IQCM: variants seen among roughly 807,000 people sequenced by gnomAD.
The protein encoded by IQCM is IQ motif containing M.
In IQCM, 45 loss-of-function variants were observed where a neutral mutation model predicts 57.6. The ratio of observed to expected loss-of-function variants is 0.78; its 90% CI spans 0.62 to 1.00. The LOEUF (loss-of-function observed/expected upper bound fraction) is 1.00, where lower values mean the gene tolerates loss of function less well. IQCM is among the 50% of genes least tolerant of loss of function. The pLI is 0.00. For synonymous variants in IQCM, 148 were observed against 158.9 expected (o/e 0.93, Z 0.51); for missense variants, 468 against 511.6 (o/e 0.91, Z 0.82).
chr4:149,377,858 C>G (rs149688431), intron 13 of IQCM, among the ~76,000 whole-genome samples: 1 of 152,190 alleles, frequency 6.6e-6, no homozygotes, highest in African/African-American at 2.4e-5. Context: ...GCTGGGTTAG[C>G]AGAACACAAC....
At chr4:149,752,813 G>A (rs72728505) in intron 2 of IQCM, among the ~76,000 whole-genome samples, 61,037 of 151,960 alleles carry the variant, frequency 0.4, 14,552 homozygotes, top group Middle Eastern at 0.54. Flanking sequence ...TGCTAAAAAT[G>A]ACTAGCTAAA....
chr4:149,581,254 CTTCAA>C (rs1048020005), intron 9 of IQCM, among the ~76,000 whole-genome samples: 4 of 151,010 alleles, frequency 2.6e-5, no homozygotes, highest in East Asian at 2.0e-4. Flanking sequence ...TTGTAAAGTA[CTTCAA>C]TTCATATATA....
chr4:149,595,711 T>A (rs72957425), intron 8 of IQCM, among the ~76,000 whole-genome samples: 2,781 of 152,226 alleles, frequency 0.018, 53 homozygotes, highest in African/African-American at 0.055. Flanking sequence ...TTTCTGAGAT[T>A]TTTCACAAGC....
rs75489248 is a variant in IQCM at position 149,484,677 on chromosome 4, G to A, written c.1229-51120C>T. ...CCGTACTAAGTCTTAAAAAGTGGTTGTAGTTACTATTTTTGTTTGGTTCAT... is the reference window on the plus strand; with the variant it reads ...CCGTACTAAGTCTTAAAAAGTGGTTATAGTTACTATTTTTGTTTGGTTCAT... On this transcript the variant is annotated intron_variant, in intron 12 of 13. Transcript: ENST00000636793. 7.2e-5 allele frequency among the ~76,000 whole-genome samples: 11 copies of A among 152,048 alleles called. No homozygotes were observed. The East Asian group carries it at 1.9e-3, about 27-fold the overall frequency.
rs536624846 is a variant in IQCM at position 149,720,988 on chromosome 4, C to A, written c.385+12256G>T. On this transcript the variant is annotated intron_variant, in intron 5 of 13. Coordinates refer to ENST00000636793, the MANE Select transcript of IQCM (RefSeq NM_001363507.2). ...TTGTTATGGCTCCTAGTCTTAAATTCTTCCGAGTAATTTTGTAGGAATGAG... is the reference window on the plus strand; with the variant it reads ...TTGTTATGGCTCCTAGTCTTAAATTATTCCGAGTAATTTTGTAGGAATGAG... Among the ~76,000 whole-genome samples the A allele has an allele frequency of 3.3e-5, 5 of 152,270 alleles. No homozygotes were observed. In the South Asian group the frequency reaches 1.0e-3, roughly 32 times the overall value.
intron 2 of IQCM, among the ~76,000 whole-genome samples, chr4:149,768,853 C>T (rs1204125063): frequency 6.6e-6 from 1 of 151,994 alleles, no homozygotes; most frequent in African/African-American, 2.4e-5. Context: ...AGCTGACAAA[C>T]TTGAGTTTTT....
chr4:149,674,422 A>G (rs1277709401), intron 7 of IQCM, among the ~76,000 whole-genome samples: 2 of 152,146 alleles, frequency 1.3e-5, no homozygotes, highest in African/African-American at 4.8e-5. Context: ...ATTATATTCT[A>G]GCAGGAGGAG....
intron 9 of IQCM, among the ~76,000 whole-genome samples, chr4:149,564,654 T>G (rs182754676): frequency 7.4e-4 from 112 of 152,256 alleles, no homozygotes; most frequent in Non-Finnish European, 1.2e-3. Context: ...TGGCCTAGTC[T>G]CCTAGGCTAT....
At chr4:149,486,879 C>T (rs1450811977) in intron 12 of IQCM, among the ~76,000 whole-genome samples, 1 of 152,138 alleles carries the variant, frequency 6.6e-6, no homozygotes, top group Non-Finnish European at 1.5e-5. Context: ...TGTCCAAGAG[C>T]CTAGGCCTGG....
chr4:149,801,127 T>G (rs1393072083), intron 2 of IQCM, among the ~76,000 whole-genome samples: 1 of 151,842 alleles, frequency 6.6e-6, no homozygotes, highest in Non-Finnish European at 1.5e-5. Flanking sequence ...CAAACAGGCA[T>G]ATGAAAGGGT....
chr4:149,617,194 A>G (rs1755869737), intron 8 of IQCM, among the ~76,000 whole-genome samples: 1 of 152,116 alleles, frequency 6.6e-6, no homozygotes, highest in South Asian at 2.1e-4. Context: ...ACCTCAGGTG[A>G]TCCACCTGCC....
At chr4:149,794,666 G>C (rs1368642661) in intron 2 of IQCM, among the ~76,000 whole-genome samples, 1 of 152,120 alleles carries the variant, frequency 6.6e-6, no homozygotes, top group Non-Finnish European at 1.5e-5. Context: ...TCTGTGTTGT[G>C]GTGGTGGAGT....
At position 149,587,465 on chromosome 4, in the gene IQCM, A is replaced by G. The variant is rs1434691277; in HGVS notation, c.749+465T>C. 2.6e-5 allele frequency among the ~76,000 whole-genome samples: 4 copies of G among 151,816 alleles called. No homozygotes were observed. In the East Asian group the frequency reaches 7.8e-4, roughly 29 times the overall value. On this transcript the variant is annotated intron_variant, in intron 9 of 13. Transcript: ENST00000636793. The stretch of plus-strand genomic sequence containing the variant: ...CTCTCTCACAAAATCAATGTTTTCA[A>G]AACAGTTTATCAACAAAGTATATAA...
At chr4:149,415,900 C>T (rs1253599252) in intron 13 of IQCM, among the ~76,000 whole-genome samples, 3 of 151,674 alleles carry the variant, frequency 2.0e-5, no homozygotes, top group South Asian at 2.1e-4. Context: ...TGGGGCCTGT[C>T]GTGGGGTGGA....
intron 2 of IQCM, among the ~76,000 whole-genome samples, chr4:149,772,709 T>C (rs1770702701): frequency 6.6e-6 from 1 of 152,196 alleles, no homozygotes; most frequent in Non-Finnish European, 1.5e-5. Flanking sequence ...TAACAGGTCA[T>C]TTTCTGTGCT....
chr4:149,809,397 T>C (rs945159580), intron 2 of IQCM, among the ~76,000 whole-genome samples: 1 of 152,202 alleles, frequency 6.6e-6, no homozygotes, highest in African/African-American at 2.4e-5. Context: ...TATAGTCATT[T>C]TTTTGATAGT....
chr4:149,680,534 A>G lies in IQCM; in HGVS notation c.565+1584T>C, dbSNP rs181369582. On this transcript the variant is annotated intron_variant, in intron 7 of 13. Transcript: ENST00000636793. ...ACAGATAATACTGAAGTATACTTCAATTGGGTGGTTTTTCCTTTTTAATTT... is the reference window on the plus strand; with the variant it reads ...ACAGATAATACTGAAGTATACTTCAGTTGGGTGGTTTTTCCTTTTTAATTT... Among the ~76,000 whole-genome samples the G allele has an allele frequency of 2.2e-4, 33 of 151,470 alleles. No individual in the cohort carries two copies. The East Asian group carries it at 5.5e-3, about 25-fold the overall frequency.
chr4:149,729,867 G>C (rs1252487987), intron 5 of IQCM, among the ~76,000 whole-genome samples: 1 of 152,052 alleles, frequency 6.6e-6, no homozygotes. Context: ...GTAGATATTT[G>C]CTCAAAACCA....
At chr4:149,673,858 G>A (rs1278924034) in intron 7 of IQCM, among the ~76,000 whole-genome samples, 1 of 151,856 alleles carries the variant, frequency 6.6e-6, no homozygotes, top group Non-Finnish European at 1.5e-5. Flanking sequence ...TCCAAAAAAG[G>A]CTAAGTTTTT....
Sources: allele counts gnomAD v4.1 joint callset (sites outside exome capture counted in the v4.1 genomes callset), GRCh38; gene constraint gnomAD v4.1.1; transcripts MANE v1.5; gene names NCBI Gene and HGNC (gene_info 2026-07-23, HGNC 2026-07-21).